CSGALNACT1: variants seen among roughly 807,000 people sequenced by gnomAD.
The protein encoded by CSGALNACT1 is beta4GalNAcT-1.
Under a neutral mutation model 51.0 loss-of-function variants are expected in CSGALNACT1, and 52 were observed. The ratio of observed to expected loss-of-function variants is 1.02; its 90% CI spans 0.82 to 1.29. The LOEUF (loss-of-function observed/expected upper bound fraction) is 1.29. Among genes scored for constraint, CSGALNACT1 ranks in the 50% most tolerant of loss-of-function variants. CSGALNACT1 has a pLI of 0.00. For missense variants in CSGALNACT1, 935 were observed against 679.2 expected, an observed-to-expected ratio of 1.38 and a Z score of -4.19; for synonymous variants, 341 against 254.4, an observed-to-expected ratio of 1.34 and a Z score of -3.24.
chr8:19,622,153 A>G (rs1274238638), intron 1 of CSGALNACT1, among the ~76,000 whole-genome samples: 1 of 152,214 alleles, frequency 6.6e-6, no homozygotes, highest in African/African-American at 2.4e-5. Flanking sequence ...AATGCACTCC[A>G]TTGTTTCACA....
At chr8:19,710,579 T>G (rs2062444196) in intron 1 of CSGALNACT1, among the ~76,000 whole-genome samples, 1 of 152,200 alleles carries the variant, frequency 6.6e-6, no homozygotes, top group East Asian at 1.9e-4. Flanking sequence ...TGTTAATATG[T>G]ATTAGTTCTA....
At chr8:19,460,281 G>C (rs1419656998) in intron 4 of CSGALNACT1, among the ~76,000 whole-genome samples, 1 of 151,894 alleles carries the variant, frequency 6.6e-6, no homozygotes, top group African/African-American at 2.4e-5. Flanking sequence ...GAGAGAAAGA[G>C]ACCATGTTTA....
chr8:19,658,166 T>C (rs1431582005), intron 1 of CSGALNACT1, among the ~76,000 whole-genome samples: 3 of 150,368 alleles, frequency 2.0e-5, no homozygotes, highest in Non-Finnish European at 4.4e-5. Flanking sequence ...GATGAGGTCA[T>C]GAGGGTGTGC....
In CSGALNACT1 at chr8:19,419,045, C is replaced by G. The variant is rs6991231; in HGVS notation, c.1133-295G>C. 0.43 allele frequency among the ~76,000 whole-genome samples: 65,171 copies of G among 151,852 alleles called. 14,792 individuals carry two copies. Among genetic ancestry groups the G allele is most frequent in the East Asian group, 0.82 (4,224 of 5,144 alleles). ...TATTTTAGTAGAGATGGGGTTTCACCATGTTGGTCAGGCTGGTCTCAAACT... is the reference window on the plus strand; with the variant it reads ...TATTTTAGTAGAGATGGGGTTTCACGATGTTGGTCAGGCTGGTCTCAAACT... On this transcript the variant is annotated intron_variant, in intron 7 of 9. Transcript: ENST00000454498.
Position 19,405,964 on chromosome 8 carries a change from AGTCCTCGCACAGGC to A in CSGALNACT1, c.1401_1414del (p.Pro468LeufsTer6). ...GCGCTTCTCATGCCAGAGGTGGAAGAGTCCTCGCACAGGCGTCCGTACCACTATGAGGTTGCTGT... is the reference window on the plus strand; with the variant it reads ...GCGCTTCTCATGCCAGAGGTGGAAGAGTCCGTACCACTATGAGGTTGCTGT... On this transcript the variant is annotated frameshift_variant, in exon 10 of 10. Transcript: ENST00000454498. LOFTEE classifies it high-confidence loss of function. The A allele has an allele frequency of 6.2e-7, 1 of 1,614,184 alleles. No homozygotes were observed.
chr8:19,476,118 T>A (rs768345855), intron 4 of CSGALNACT1, among the ~76,000 whole-genome samples: 1 of 152,180 alleles, frequency 6.6e-6, no homozygotes. Flanking sequence ...ATAAAAACAA[T>A]TGAATAAGAT....
intron 1 of CSGALNACT1, among the ~76,000 whole-genome samples, chr8:19,712,766 C>G (rs1380096110): frequency 6.6e-6 from 1 of 152,152 alleles, no homozygotes; most frequent in Non-Finnish European, 1.5e-5. Context: ...TTGCTAAAGA[C>G]AGATGAGCAT....
chr8:19,533,075 T>C (rs2083085727), intron 3 of CSGALNACT1, among the ~76,000 whole-genome samples: 1 of 152,220 alleles, frequency 6.6e-6, no homozygotes, highest in African/African-American at 2.4e-5. Flanking sequence ...TTCTACTGTA[T>C]ATTCTATCCT....
At chr8:19,513,624 C>T (rs2078925930) in intron 3 of CSGALNACT1, among the ~76,000 whole-genome samples, 2 of 151,860 alleles carry the variant, frequency 1.3e-5, no homozygotes, top group South Asian at 4.2e-4. Flanking sequence ...CTGAGAGATG[C>T]ATCATCAGGC....
In CSGALNACT1 at chr8:19,661,881, T is replaced by C. The variant is rs187046978; in HGVS notation, c.-544+20592A>G. On this transcript the variant is annotated intron_variant, in intron 1 of 9. Coordinates refer to the CSGALNACT1 transcript ENST00000332246. ...CCTCTATGTGAACAGTTTCTCCTCG[T>C]ATATAACCTCAACTTATTTTGACCA... Among the ~76,000 whole-genome samples, 615 of 152,280 alleles carry C rather than the reference T, an allele frequency of 4.0e-3. 3 individuals are homozygous for C. Among genetic ancestry groups the C allele is most frequent in the African/African-American group, 0.013 (560 of 41,554 alleles).
chr8:19,751,720 G>A (rs866374370), intron 1 of CSGALNACT1, among the ~76,000 whole-genome samples: 15 of 152,206 alleles, frequency 9.9e-5, no homozygotes, highest in African/African-American at 3.1e-4. Context: ...CTGTTCTCGT[G>A]ATAGAGTTCT....
chr8:19,445,245 C>T (rs986485153), intron 5 of CSGALNACT1, among the ~76,000 whole-genome samples: 12 of 152,274 alleles, frequency 7.9e-5, no homozygotes, highest in East Asian at 5.8e-4. Context: ...TCCTCTGCCA[C>T]GGTAGAATAC....
At chr8:19,753,998 T>A (rs1017510150) in intron 1 of CSGALNACT1, among the ~76,000 whole-genome samples, 8 of 152,220 alleles carry the variant, frequency 5.3e-5, no homozygotes, top group Admixed American at 5.2e-4. Flanking sequence ...CATCTTGGAA[T>A]GTGATAAAAC....
At chr8:19,513,415 A>ACTCTCTCTCTCTCTCT (rs1409555325) in intron 3 of CSGALNACT1, among the ~76,000 whole-genome samples, 4 of 111,516 alleles carry the variant, frequency 3.6e-5, no homozygotes, top group African/African-American at 1.4e-4. Flanking sequence ...TCTCTCTCTC[A>ACTCTCTCTCTCTCTCT]CTCTCTCTCT....
intron 1 of CSGALNACT1, among the ~76,000 whole-genome samples, chr8:19,712,003 A>C (rs1194159031): frequency 6.6e-6 from 1 of 152,178 alleles, no homozygotes; most frequent in African/African-American, 2.4e-5. Flanking sequence ...TAAGTGGTGA[A>C]GCCGGGGTTA....
At chr8:19,584,714 A>G (rs1364905363) in intron 3 of CSGALNACT1, among the ~76,000 whole-genome samples, 1 of 152,248 alleles carries the variant, frequency 6.6e-6, no homozygotes, top group African/African-American at 2.4e-5. Flanking sequence ...AGTATGTCCT[A>G]GAATGACTGC....
At chr8:19,752,618 T>C (rs1182515172) in intron 1 of CSGALNACT1, among the ~76,000 whole-genome samples, 21 of 152,218 alleles carry the variant, frequency 1.4e-4, no homozygotes, top group Admixed American at 1.4e-3. Context: ...CAAGCTGCAG[T>C]GCTGTGTGCC....
intron 3 of CSGALNACT1, among the ~76,000 whole-genome samples, chr8:19,512,152 T>G (rs1180355643): frequency 2.0e-5 from 3 of 152,192 alleles, no homozygotes; most frequent in Admixed American, 2.0e-4. Context: ...AGCTTCTGTC[T>G]TGGGTGCCCT....
chr8:19,461,021 A>G (rs2153822362), intron 4 of CSGALNACT1, among the ~76,000 whole-genome samples: 1 of 152,292 alleles, frequency 6.6e-6, no homozygotes, highest in Admixed American at 6.5e-5. Context: ...ACAGCTATTT[A>G]AAGGCCGAGA....
Sources: gnomAD v4.1 joint callset for allele counts (sites outside exome capture counted in the v4.1 genomes callset) on GRCh38, gnomAD v4.1.1 for gene constraint, MANE v1.5 for transcripts, NCBI Gene and HGNC (gene_info 2026-07-23, HGNC 2026-07-21) for gene names.